The following SORCS2 variants were observed in gnomAD, a reference collection of about 807,000 sequenced individuals.
The protein encoded by SORCS2 is sortilin related VPS10 domain containing receptor 2, also known as VPS10 domain-containing receptor SorCS2.
Under a neutral mutation model 141.6 loss-of-function variants are expected in SORCS2, and 100 were observed. That is an observed-to-expected ratio of 0.71 (90% CI 0.60 to 0.83). The LOEUF (loss-of-function observed/expected upper bound fraction) is 0.83. SORCS2 is among the 40% of genes least tolerant of loss of function. The pLI is 0.00. For missense variants in SORCS2, 1,646 were observed against 1,560.2 expected (o/e 1.05, Z -0.93); for synonymous variants, 789 against 676.9 (o/e 1.17, Z -2.57).
At chr4:7,546,393 G>T (rs1713263782) in intron 3 of SORCS2, among the ~76,000 whole-genome samples, 1 of 152,158 alleles carries the variant, frequency 6.6e-6, no homozygotes, top group Non-Finnish European at 1.5e-5. Context: ...CTGTGGGAGG[G>T]CTCTCTCCTC....
At chr4:7,685,662 T>C (rs1723827525) in intron 10 of SORCS2, among the ~76,000 whole-genome samples, 1 of 149,394 alleles carries the variant, frequency 6.7e-6, no homozygotes, top group South Asian at 2.1e-4. Flanking sequence ...CAGAGCGAGA[T>C]TCCACCTCAA....
chr4:7,683,227 C>T (rs79939046), intron 10 of SORCS2, among the ~76,000 whole-genome samples: 2 of 149,830 alleles, frequency 1.3e-5, no homozygotes, highest in Middle Eastern at 3.4e-3. Flanking sequence ...GCTCTGCTGA[C>T]CTTGGCTGGG....
At chr4:7,736,934 T>G in intron 25 of SORCS2, 135 bp from the exon 26 acceptor site, 1 of 1,151,302 alleles carries the variant, frequency 8.7e-7, no homozygotes, top group South Asian at 1.6e-5. Flanking sequence ...AACTTGGGGC[T>G]GGGGTAGGCA....
At chr4:7,685,389 C>G (rs945747917) in intron 10 of SORCS2, among the ~76,000 whole-genome samples, 2 of 152,084 alleles carry the variant, frequency 1.3e-5, no homozygotes, top group Non-Finnish European at 1.5e-5. Context: ...TACAGCCTCA[C>G]GGGCTGGGCA....
intron 2 of SORCS2, among the ~76,000 whole-genome samples, chr4:7,408,341 A>G (rs2109145768): frequency 6.6e-6 from 1 of 151,792 alleles, no homozygotes; most frequent in Non-Finnish European, 1.5e-5. Flanking sequence ...TCTGTCTTTC[A>G]TATTTGAAGG....
At chr4:7,539,098 C>T (rs1712361775) in intron 3 of SORCS2, among the ~76,000 whole-genome samples, 1 of 152,176 alleles carries the variant, frequency 6.6e-6, no homozygotes, top group African/African-American at 2.4e-5. Context: ...GGCTGCTGAA[C>T]CAGGACGCGC....
intron 1 of SORCS2, among the ~76,000 whole-genome samples, chr4:7,301,338 C>T (rs753820601): frequency 1.2e-4 from 18 of 152,194 alleles, no homozygotes; most frequent in Admixed American, 2.6e-4. Context: ...GGGGAGCTGC[C>T]GAGGAGGTGC....
In SORCS2 at chr4:7,591,580, G is replaced by T. The variant is rs562059643; in HGVS notation, c.649-46748G>T. Among the ~76,000 whole-genome samples the T allele has an allele frequency of 1.9e-3, 294 of 152,368 alleles. 2 individuals carry two copies. The highest frequency in any genetic ancestry group is 4.3e-3 in the South Asian group (21 of 4,828). ...GCTCTCCCGGGTGGTCACGGGGTCAGCCACTCAGCACACTCAACCCTGGGC... is the reference window on the plus strand; with the variant it reads ...GCTCTCCCGGGTGGTCACGGGGTCATCCACTCAGCACACTCAACCCTGGGC... On this transcript the variant is annotated intron_variant, in intron 3 of 26. Transcript: ENST00000507866.
At chr4:7,613,635 G>A (rs1718566924) in intron 3 of SORCS2, among the ~76,000 whole-genome samples, 1 of 152,112 alleles carries the variant, frequency 6.6e-6, no homozygotes, top group Non-Finnish European at 1.5e-5. Context: ...GACACTGCTT[G>A]TGGAGATATC....
chr4:7,311,179 ATCC>A (rs1307529616), intron 1 of SORCS2, among the ~76,000 whole-genome samples: 3 of 152,160 alleles, frequency 2.0e-5, no homozygotes, highest in South Asian at 2.1e-4. Flanking sequence ...TCTCTGCAGT[ATCC>A]TCCTCCTTGT....
At chr4:7,678,049 T>TCTGGTCCCTGCC (rs373516326) in intron 9 of SORCS2, among the ~76,000 whole-genome samples, 36 of 152,186 alleles carry the variant, frequency 2.4e-4, no homozygotes, top group African/African-American at 8.0e-4. Flanking sequence ...CATGCCATGC[T>TCTGGTCCCTGCC]CTGGTCCCTG....
At chr4:7,414,789 T>G (rs1365600979) in intron 2 of SORCS2, among the ~76,000 whole-genome samples, 2 of 152,216 alleles carry the variant, frequency 1.3e-5, no homozygotes, top group African/African-American at 4.8e-5. Context: ...GGACACGAAC[T>G]CAAGGTTTTA....
intron 3 of SORCS2, among the ~76,000 whole-genome samples, chr4:7,580,354 G>A (rs912017699): frequency 2.0e-5 from 3 of 152,012 alleles, no homozygotes; most frequent in Non-Finnish European, 4.4e-5. Flanking sequence ...GCTAAGCATG[G>A]TGGTGCACGT....
intron 3 of SORCS2, among the ~76,000 whole-genome samples, chr4:7,575,759 G>A (rs544360820): frequency 1.5e-4 from 23 of 152,270 alleles, no homozygotes; most frequent in African/African-American, 5.3e-4. Context: ...GTGTGTTTAC[G>A]CATCAGGATC....
chr4:7,204,219 G>C (rs545870289), intron 1 of SORCS2, among the ~76,000 whole-genome samples: 1 of 151,966 alleles, frequency 6.6e-6, no homozygotes, highest in East Asian at 1.9e-4. Context: ...TCCTACGTCA[G>C]TTTTTTTTCT....
intron 3 of SORCS2, among the ~76,000 whole-genome samples, chr4:7,551,141 G>C (rs1370003912): frequency 6.6e-6 from 1 of 152,238 alleles, no homozygotes; most frequent in East Asian, 1.9e-4. Context: ...TGCTGGAGCT[G>C]TATTTTCCAA....
intron 2 of SORCS2, among the ~76,000 whole-genome samples, chr4:7,415,415 A>T (rs1276966352): frequency 6.6e-6 from 1 of 152,188 alleles, no homozygotes; most frequent in African/African-American, 2.4e-5. Flanking sequence ...CTCCCAAGCC[A>T]GCAGCGTCAC....
intron 1 of SORCS2, among the ~76,000 whole-genome samples, chr4:7,379,732 C>T (rs1252878277): frequency 6.6e-6 from 1 of 152,172 alleles, no homozygotes; most frequent in Non-Finnish European, 1.5e-5. Context: ...AGGCAAGGGA[C>T]TCACTGGGAA....
At chr4:7,717,462 G>A (rs1198857422) in intron 17 of SORCS2, among the ~76,000 whole-genome samples, 1 of 152,220 alleles carries the variant, frequency 6.6e-6, no homozygotes, top group African/African-American at 2.4e-5. Context: ...GCCCATAATA[G>A]ATGCTCAGTA....
Sources: allele counts gnomAD v4.1 joint callset (sites outside exome capture counted in the v4.1 genomes callset), GRCh38; gene constraint gnomAD v4.1.1; transcripts MANE v1.5; gene names NCBI Gene and HGNC (gene_info 2026-07-23, HGNC 2026-07-21).